NCKAP5: variants seen among roughly 807,000 people sequenced by gnomAD.
NCKAP5 encodes nck-associated protein 5.
Under a neutral mutation model 167.0 loss-of-function variants are expected in NCKAP5, and 92 were observed. The observed-to-expected ratio is 0.55, with a 90% CI of 0.47 to 0.66. The LOEUF is 0.66. NCKAP5 is among the 30% of genes least tolerant of loss of function. The pLI, the probability that NCKAP5 is intolerant of heterozygous loss-of-function variation, is 0.00. For synonymous variants in NCKAP5, 891 were observed against 877.4 expected (o/e 1.02, Z -0.27); for missense variants, 2,378 against 2,315.0 (o/e 1.03, Z -0.56).
chr2:133,237,491 T>C (rs2087478891), intron 4 of NCKAP5, among the ~76,000 whole-genome samples: 2 of 152,224 alleles, frequency 1.3e-5, no homozygotes, highest in African/African-American at 4.8e-5. Context: ...TATGACTTTA[T>C]TTATTCATTC....
chr2:132,676,342 C>T (rs1684485973), intron 19 of NCKAP5, among the ~76,000 whole-genome samples: 1 of 120,040 alleles, frequency 8.3e-6, no homozygotes, highest in Non-Finnish European at 1.6e-5. Flanking sequence ...ATCCACTCCC[C>T]TATTTCCCTT....
intron 5 of NCKAP5, among the ~76,000 whole-genome samples, chr2:133,170,896 G>A (rs1044121163): frequency 1.3e-5 from 2 of 151,850 alleles, no homozygotes; most frequent in Admixed American, 6.6e-5. Flanking sequence ...CTCGTCTCCA[G>A]TCCTCTTTAA....
At chr2:132,792,622 C>CAGAG (rs145270989) in intron 12 of NCKAP5, among the ~76,000 whole-genome samples, 1 of 151,408 alleles carries the variant, frequency 6.6e-6, no homozygotes, top group Non-Finnish European at 1.5e-5. Flanking sequence ...GTCTACTCTA[C>CAGAG]AGAGAGAGAG....
rs550019140 is a variant in NCKAP5 at position 133,405,360 on chromosome 2, C to T, written c.70-102250G>A. Among the ~76,000 whole-genome samples the T allele has an allele frequency of 5.3e-5, 8 of 152,338 alleles. No homozygotes were observed. In the South Asian group the frequency reaches 1.7e-3, roughly 32 times the overall value. Reference sequence around the variant, plus strand: ...TCTACATAAGGCACATCACAGCCTTCGTGCACTTATGAACACCAGACAGCA... The same window carrying T: ...TCTACATAAGGCACATCACAGCCTTTGTGCACTTATGAACACCAGACAGCA... On this transcript the variant is annotated intron_variant, in intron 3 of 19. Coordinates refer to ENST00000409261, the MANE Select transcript of NCKAP5 (RefSeq NM_207363.3).
chr2:132,876,710 C>T (rs1040778902), intron 9 of NCKAP5, among the ~76,000 whole-genome samples: 1 of 152,146 alleles, frequency 6.6e-6, no homozygotes, highest in Admixed American at 6.6e-5. Context: ...CACAAATCAC[C>T]TCTTTGGCAA....
chr2:133,240,113 T>A (rs2150293375), intron 4 of NCKAP5, among the ~76,000 whole-genome samples: 1 of 152,226 alleles, frequency 6.6e-6, no homozygotes, highest in Admixed American at 6.5e-5. Context: ...CTGTCTAGAG[T>A]TGCGCATTCC....
intron 3 of NCKAP5, among the ~76,000 whole-genome samples, chr2:133,471,914 T>G (rs1679368130): frequency 6.6e-6 from 1 of 152,248 alleles, no homozygotes; most frequent in Non-Finnish European, 1.5e-5. Context: ...TGCTTTAGTT[T>G]GACATGGTCA....
intron 3 of NCKAP5, among the ~76,000 whole-genome samples, chr2:133,467,410 G>C (rs1034417087): frequency 5.9e-5 from 9 of 152,172 alleles, no homozygotes; most frequent in Admixed American, 5.9e-4. Flanking sequence ...GATTCATTTT[G>C]CCAGTATTTT....
chr2:132,733,130 G>A (rs1231395870), intron 16 of NCKAP5, among the ~76,000 whole-genome samples: 1 of 152,164 alleles, frequency 6.6e-6, no homozygotes, highest in Non-Finnish European at 1.5e-5. Context: ...TACAGTATCT[G>A]AAAAAATTAC....
At chr2:133,599,981 G>C in the NCKAP5 span, among the ~76,000 whole-genome samples, 5 of 152,358 alleles carry the variant, frequency 3.3e-5, no homozygotes, top group Non-Finnish European at 5.9e-5. Context: ...TTTCTGAAGA[G>C]CTGGGACTAG....
chr2:133,534,849 G>A (rs1685634556), intron 2 of NCKAP5, among the ~76,000 whole-genome samples: 1 of 152,132 alleles, frequency 6.6e-6, no homozygotes, highest in Non-Finnish European at 1.5e-5. Flanking sequence ...ATACTTAGGA[G>A]AGAAATTGCC....
chr2:132,828,554 T>G (rs1176337086), intron 11 of NCKAP5, among the ~76,000 whole-genome samples: 2 of 152,210 alleles, frequency 1.3e-5, no homozygotes, highest in African/African-American at 4.8e-5. Flanking sequence ...CTATACTTCC[T>G]GTACAGCCTG....
intron 5 of NCKAP5, among the ~76,000 whole-genome samples, chr2:133,200,941 T>A (rs1209896658): frequency 1.3e-5 from 2 of 152,222 alleles, no homozygotes; most frequent in South Asian, 2.1e-4. Context: ...TGAAACCACA[T>A]GTAGTACCAA....
chr2:133,452,947 T>C (rs1281173632), intron 3 of NCKAP5, among the ~76,000 whole-genome samples: 2 of 152,172 alleles, frequency 1.3e-5, no homozygotes, highest in Non-Finnish European at 1.5e-5. Flanking sequence ...AGGGATCCTC[T>C]TTCCTTCTTT....
intron 3 of NCKAP5, among the ~76,000 whole-genome samples, chr2:133,333,172 A>T (rs553740299): frequency 6.6e-6 from 1 of 152,290 alleles, no homozygotes; most frequent in Non-Finnish European, 1.5e-5. Flanking sequence ...ACTTTCTATT[A>T]CTCTGACTAG....
chr2:133,650,972 T>C, the NCKAP5 span, among the ~76,000 whole-genome samples: 3 of 152,138 alleles, frequency 2.0e-5, no homozygotes, highest in Admixed American at 2.0e-4. Context: ...AACTGGATAT[T>C]CACAGGCAAA....
intron 8 of NCKAP5, among the ~76,000 whole-genome samples, chr2:132,889,604 G>C (rs1452021759): frequency 2.0e-5 from 3 of 152,058 alleles, no homozygotes; most frequent in African/African-American, 4.8e-5. Flanking sequence ...CCTTGAATCA[G>C]TCTACTCAAC....
At chr2:133,253,349 C>A (rs1334604243) in intron 4 of NCKAP5, among the ~76,000 whole-genome samples, 1 of 152,214 alleles carries the variant, frequency 6.6e-6, no homozygotes, top group African/African-American at 2.4e-5. Context: ...GATAAGCTTA[C>A]AAAGAGCTTA....
chr2:132,866,873 G>A (rs1690397169), intron 10 of NCKAP5, among the ~76,000 whole-genome samples: 1 of 151,756 alleles, frequency 6.6e-6, no homozygotes, highest in African/African-American at 2.4e-5. Context: ...ATTTTATATT[G>A]TGCTCTTAAT....
Sources: allele counts gnomAD v4.1 joint callset (sites outside exome capture counted in the v4.1 genomes callset), GRCh38; gene constraint gnomAD v4.1.1; transcripts MANE v1.5; gene names NCBI Gene and HGNC (gene_info 2026-07-23, HGNC 2026-07-21).